The following CFAP74 variants were observed in gnomAD, a reference collection of about 807,000 sequenced individuals.
CFAP74 encodes the protein cilia- and flagella-associated protein 74.
A neutral mutation model predicts 188.9 loss-of-function variants in CFAP74; 124 were observed. The observed-to-expected ratio is 0.66, with a 90% confidence interval of 0.57 to 0.76. The LOEUF is 0.76. Among genes scored for constraint, CFAP74 ranks in the 30% least tolerant of loss-of-function variants. CFAP74 has a pLI of 0.00. For missense variants in CFAP74, 2,198 were observed against 2,165.2 expected, an observed-to-expected ratio of 1.02 and a Z score of -0.30; for synonymous variants, 956 against 916.7, an observed-to-expected ratio of 1.04 and a Z score of -0.77.
At chr1:1,928,250 C>T (rs1169952918) in intron 27 of CFAP74, among the ~76,000 whole-genome samples, 1 of 44,636 alleles carries the variant, frequency 2.2e-5, no homozygotes, top group Non-Finnish European at 4.8e-5. Context: ...AGGGCAAACC[C>T]TTGGGAGGAA....
chr1:1,987,205 C>T (rs1006190676), intron 4 of CFAP74, among the ~76,000 whole-genome samples, 170 bp from the exon 5 acceptor site: 8 of 152,346 alleles, frequency 5.3e-5, no homozygotes, highest in Admixed American at 6.5e-5. Flanking sequence ...AGGGTCTTGT[C>T]GTCCATTTTT....
intron 18 of CFAP74, among the ~76,000 whole-genome samples, chr1:1,948,985 C>T (rs546370880): frequency 1.5e-3 from 151 of 97,466 alleles, no homozygotes; most frequent in Middle Eastern, 5.6e-3. Flanking sequence ...TCCCTCCCTC[C>T]TTTCCTTCAT....
chr1:1,951,259 C>T (rs1388956043), intron 18 of CFAP74, among the ~76,000 whole-genome samples: 1 of 152,178 alleles, frequency 6.6e-6, no homozygotes, highest in East Asian at 1.9e-4. Flanking sequence ...ATGAGAACAG[C>T]ATGGGGAAAA....
At chr1:1,970,295 G>A (rs1312082747) in intron 10 of CFAP74, among the ~76,000 whole-genome samples, 1 of 151,830 alleles carries the variant, frequency 6.6e-6, no homozygotes, top group African/African-American at 2.4e-5. Context: ...CCCTGGAGGG[G>A]CCTGGTGCTC....
chr1:1,928,827 T>C lies in CFAP74; in HGVS notation c.3344A>G (p.Gln1115Arg). The C allele has an allele frequency of 6.5e-7, 1 of 1,535,714 alleles. No individual in the cohort carries two copies. The highest frequency in any genetic ancestry group is 8.7e-7 in the Non-Finnish European group (1 of 1,146,744). ...TTTGTTCAGGAGTGGGAGGGCTTCC[T>C]GGCGGATCAGCTTCTCGGGCAGCAC... ...RPVLPEKLIR[Q>R]EALPLLNKEM... Residue 1115 changes from glutamine to arginine, a missense_variant, in exon 27 of 39, where the codon CAG (glutamine) becomes CGG (arginine). By Grantham distance (43) the Gln-to-Arg change is conservative (BLOSUM62 1). Coordinates refer to ENST00000682832, the MANE Select transcript of CFAP74 (RefSeq NM_001304360.2).
intron 1 of CFAP74, among the ~76,000 whole-genome samples, chr1:1,991,770 T>C (rs908997618): frequency 6.6e-6 from 1 of 152,166 alleles, no homozygotes. Context: ...CTGGGCGTGG[T>C]GGCTCACACC....
chr1:1,927,006 G>A lies in CFAP74; in HGVS notation c.3550C>T (p.Arg1184Ter). The change falls in exon 29 of 39, where the codon CGA becomes TGA. Residue 1184 changes from arginine (R) to a stop codon, truncating the protein, a stop_gained. Transcript: ENST00000682832. LOFTEE classifies it high-confidence loss of function. ...RPSSDEYQAA[R>*]ATLLRAFQAK... ...TGGAACGCTCTGAGCAGGGTGGCTC[G>A]GGCGGCCTGGTACTCGTCGGAACTA... The A allele has an allele frequency of 5.8e-6, 9 of 1,550,190 alleles. No homozygotes were observed. Among genetic ancestry groups the A allele is most frequent in the South Asian group, 1.2e-5 (1 of 84,058 alleles).
rs773203622 is a variant in CFAP74 at position 1,959,962 on chromosome 1, A to G, written c.1761+2T>C. Reference sequence around the variant, plus strand: ...GAGAGAGAACGGGCCCCTCTGACTCACCATCGGCTTGAAGGTGACAAGCAC... The same window carrying G: ...GAGAGAGAACGGGCCCCTCTGACTCGCCATCGGCTTGAAGGTGACAAGCAC... On this transcript the variant is annotated splice_donor_variant, in intron 15 of 38. Transcript: ENST00000682832. LOFTEE classifies it high-confidence loss of function. 6.3e-7 allele frequency: 1 copy of G among 1,586,710 alleles called. No individual in the cohort carries two copies. Among genetic ancestry groups the G allele is most frequent in the South Asian group, 1.1e-5 (1 of 88,580 alleles).
Position 1,966,812 on chromosome 1 carries a change from G to A in CFAP74, c.1246-286C>T, listed in dbSNP as rs79334998. Among the ~76,000 whole-genome samples, 709 of 151,688 alleles carry A rather than the reference G, an allele frequency of 4.7e-3. 21 individuals are homozygous for A. The East Asian group carries it at 0.087, about 19-fold the overall frequency. On this transcript the variant is annotated intron_variant, in intron 11 of 38. Coordinates refer to ENST00000682832, the MANE Select transcript of CFAP74 (RefSeq NM_001304360.2). ...TTCACGGACTGGCATCCTTGGCGCCGATCCTCAGGCACTCATCTGTTCTCA... is the reference window on the plus strand; with the variant it reads ...TTCACGGACTGGCATCCTTGGCGCCAATCCTCAGGCACTCATCTGTTCTCA...
chr1:1,993,923 A>G (rs1182647810), intron 1 of CFAP74, among the ~76,000 whole-genome samples: 1 of 150,792 alleles, frequency 6.6e-6, no homozygotes, highest in Non-Finnish European at 1.5e-5. Context: ...CGGAGCTTGC[A>G]GTGAGCCGAG....
chr1:1,970,967 C>T, intron 9 of CFAP74, 151 bp from the exon 10 acceptor site: 6 of 916,250 alleles, frequency 6.5e-6, no homozygotes, highest in Non-Finnish European at 1.0e-5. Context: ...ACACATCACA[C>T]ATGCACACCT....
At chr1:1,922,752 G>A (rs746926645) in intron 37 of CFAP74, 29 bp from the exon 38 acceptor site, 1 of 1,594,412 alleles carries the variant, frequency 6.3e-7, no homozygotes, top group Non-Finnish European at 8.5e-7. Context: ...CTGTAGGCTG[G>A]CGACCAGGCA....
At chr1:1,928,669 CTACCCT>C in intron 27 of CFAP74, 109 bp downstream of exon 27, 2 of 714,524 alleles carry the variant, frequency 2.8e-6, no homozygotes, top group Non-Finnish European at 4.7e-6. Flanking sequence ...TGGGAAAGGT[CTACCCT>C]GTGCTCCCGG....
intron 27 of CFAP74, among the ~76,000 whole-genome samples, chr1:1,928,214 AC>A (rs2102032626): frequency 2.3e-5 from 1 of 42,650 alleles, no homozygotes; most frequent in South Asian, 9.0e-4. Context: ...GGAAGGGCAA[AC>A]CCTTGGGAGG....
chr1:1,989,556 G>A (rs116692827), intron 2 of CFAP74, among the ~76,000 whole-genome samples: 10,706 of 152,192 alleles, frequency 0.07, 529 homozygotes, highest in South Asian at 0.16. Context: ...CGCCTCCCAG[G>A]TTCAAGGGAT....
At chr1:1,994,336 T>C (rs1189602600) in intron 1 of CFAP74, among the ~76,000 whole-genome samples, 1 of 152,166 alleles carries the variant, frequency 6.6e-6, no homozygotes, top group Non-Finnish European at 1.5e-5. Flanking sequence ...AACTGTAAAA[T>C]TGTAGAGGAC....
chr1:1,922,480 C>A, intron 38 of CFAP74, 92 bp from the exon 39 acceptor site: 1 of 1,547,264 alleles, frequency 6.5e-7, no homozygotes, highest in South Asian at 1.2e-5. Flanking sequence ...CACCTGACTC[C>A]CTTGGGTCCT....
chr1:2,000,501 A>T (rs943454893), intron 1 of CFAP74, among the ~76,000 whole-genome samples: 1 of 152,102 alleles, frequency 6.6e-6, no homozygotes, highest in African/African-American at 2.4e-5. Context: ...GCCATAACAA[A>T]GTACCACAAC....
At position 1,971,037 on chromosome 1, in the gene CFAP74, GCA is replaced by G. The variant is rs987006313; in HGVS notation, c.889-223_889-222del. ...ATGCACACATCACACATGCACACCT[GCA>G]CACACGTGCACACACATGCTCACAC... On this transcript the variant is annotated intron_variant, in intron 9 of 38. Coordinates refer to ENST00000682832, the MANE Select transcript of CFAP74 (RefSeq NM_001304360.2). 5.6e-5 allele frequency among the ~76,000 whole-genome samples: 8 copies of G among 142,000 alleles called. No homozygotes were observed. In the South Asian group the frequency reaches 1.3e-3, roughly 24 times the overall value. The allele number at this position is 142,000 out of a possible 152,430, so 93.2% of individuals were successfully genotyped here. A position where few individuals can be genotyped will look rare whatever the true frequency, so the allele number is the denominator to read the frequency against.
Sources: allele counts gnomAD v4.1 joint callset (sites outside exome capture counted in the v4.1 genomes callset), GRCh38; gene constraint gnomAD v4.1.1; transcripts MANE v1.5; gene names NCBI Gene and HGNC (gene_info 2026-07-23, HGNC 2026-07-21).